Variants in DAB1 observed in about 807,000 individuals in gnomAD.
The protein encoded by DAB1 is DAB adaptor protein 1.
Under a neutral mutation model 64.6 loss-of-function variants are expected in DAB1, and 15 were observed. The observed-to-expected ratio is 0.23, with a 90% CI of 0.16 to 0.36. The LOEUF (loss-of-function observed/expected upper bound fraction) is 0.36. Among genes scored for constraint, DAB1 ranks in the 10% least tolerant of loss-of-function variants. The probability of loss-of-function intolerance (pLI) is 1.00; values close to 1 mark genes in which losing one functional copy is unlikely to be tolerated. For missense variants in DAB1, 596 were observed against 706.7 expected, an observed-to-expected ratio of 0.84 and a Z score of 1.78; for synonymous variants, 235 against 251.9, an observed-to-expected ratio of 0.93 and a Z score of 0.64.
At chr1:57,144,382 TA>T (rs1424642567) in intron 3 of DAB1, among the ~76,000 whole-genome samples, 1 of 152,172 alleles carries the variant, frequency 6.6e-6, no homozygotes, top group Non-Finnish European at 1.5e-5. Context: ...TAAAATAATT[TA>T]TTTTGTATAT....
At chr1:58,123,981 G>T (rs907339786) in intron 5 of DAB1, among the ~76,000 whole-genome samples, 2 of 152,062 alleles carry the variant, frequency 1.3e-5, no homozygotes, top group African/African-American at 2.4e-5. Flanking sequence ...TTGTAGAAAT[G>T]ATATAGACTA....
chr1:57,892,540 G>T (rs146393949), intron 5 of DAB1, among the ~76,000 whole-genome samples: 3 of 152,296 alleles, frequency 2.0e-5, no homozygotes, highest in African/African-American at 4.8e-5. Flanking sequence ...ACTTATCCAG[G>T]TTCACTCAGC....
intron 2 of DAB1, among the ~76,000 whole-genome samples, chr1:57,148,444 G>A (rs1659355379): frequency 6.6e-6 from 1 of 152,222 alleles, no homozygotes; most frequent in African/African-American, 2.4e-5. Flanking sequence ...TACATCTTGA[G>A]CAAGGTCTCA....
intron 1 of DAB1, among the ~76,000 whole-genome samples, chr1:57,304,862 T>C (rs1481801066): frequency 1.3e-5 from 2 of 152,370 alleles, no homozygotes; most frequent in African/African-American, 4.8e-5. Flanking sequence ...ATGAGAAATC[T>C]GATATGTTCA....
At chr1:57,045,415 C>T (rs759766505) in intron 9 of DAB1, among the ~76,000 whole-genome samples, 3 of 152,042 alleles carry the variant, frequency 2.0e-5, no homozygotes, top group Admixed American at 6.6e-5. Flanking sequence ...AGTAGGGTGG[C>T]GGCTGGGTGT....
intron 7 of DAB1, among the ~76,000 whole-genome samples, chr1:57,482,454 C>T (rs1025790412): frequency 3.5e-5 from 5 of 142,398 alleles, no homozygotes; most frequent in Admixed American, 2.8e-4. Flanking sequence ...AATAATTGAC[C>T]CCAGTTTTAC....
At chr1:58,467,311 T>C (rs1645306839) in intron 3 of DAB1, among the ~76,000 whole-genome samples, 1 of 152,246 alleles carries the variant, frequency 6.6e-6, no homozygotes, top group Non-Finnish European at 1.5e-5. Context: ...ATTGCCCATA[T>C]GTAGCAGCGC....
intron 6 of DAB1, among the ~76,000 whole-genome samples, chr1:57,698,545 A>T (rs1270468819): frequency 6.6e-6 from 1 of 152,206 alleles, no homozygotes; most frequent in Non-Finnish European, 1.5e-5. Context: ...CAACAAGAGT[A>T]TGTCGTCTGG....
At chr1:57,343,619 G>A (rs936832094) in intron 1 of DAB1, among the ~76,000 whole-genome samples, 25 of 152,352 alleles carry the variant, frequency 1.6e-4, no homozygotes, top group Non-Finnish European at 2.4e-4. Flanking sequence ...AAGGCCCGGC[G>A]AGAAATTGAG....
At chr1:58,492,223 A>G (rs559136691) in intron 3 of DAB1, among the ~76,000 whole-genome samples, 1 of 152,344 alleles carries the variant, frequency 6.6e-6, no homozygotes, top group East Asian at 1.9e-4. Context: ...CAACGAGAAC[A>G]AAGACACAAC....
intron 7 of DAB1, among the ~76,000 whole-genome samples, chr1:57,544,165 C>G (rs1351574162): frequency 6.6e-6 from 1 of 152,104 alleles, no homozygotes; most frequent in African/African-American, 2.4e-5. Context: ...TGGAAGGATC[C>G]AACCAATGCA....
rs546500747 is a variant in DAB1 at position 58,522,093 on chromosome 1, TA to T, written n.107+5167del. On this transcript the variant is annotated intron_variant and non_coding_transcript_variant, in intron 2 of 20. Coordinates refer to the DAB1 transcript ENST00000485760. ...TTTCCCCAAAAATGCAACTTAACTTTAAAAAAAATTAATGTAATTTGCCCAA... is the reference window on the plus strand; with the variant it reads ...TTTCCCCAAAAATGCAACTTAACTTTAAAAAAATTAATGTAATTTGCCCAA... 1.3e-3 allele frequency among the ~76,000 whole-genome samples: 191 copies of T among 152,096 alleles called. 1 individual carries two copies. In the Middle Eastern group the frequency reaches 0.041, roughly 33 times the overall value.
chr1:58,003,672 C>T (rs1042682398), intron 5 of DAB1, among the ~76,000 whole-genome samples: 1 of 152,134 alleles, frequency 6.6e-6, no homozygotes, highest in Non-Finnish European at 1.5e-5. Flanking sequence ...ATTGAAAGTC[C>T]ACTGGGTCAT....
At chr1:57,347,946 CT>C (rs1678253169) in intron 1 of DAB1, among the ~76,000 whole-genome samples, 1 of 152,078 alleles carries the variant, frequency 6.6e-6, no homozygotes, top group African/African-American at 2.4e-5. Context: ...CCCTCTAAAA[CT>C]GTAAGAAAAT....
intron 2 of DAB1, among the ~76,000 whole-genome samples, chr1:57,220,550 G>A (rs1390640906): frequency 6.6e-6 from 1 of 152,178 alleles, no homozygotes; most frequent in Non-Finnish European, 1.5e-5. Flanking sequence ...CAGAGCCTTA[G>A]AGAAGTTATA....
At chr1:58,239,255 C>A (rs1419225199) in intron 4 of DAB1, among the ~76,000 whole-genome samples, 1 of 152,190 alleles carries the variant, frequency 6.6e-6, no homozygotes, top group Admixed American at 6.5e-5. Context: ...CTATCCAGCC[C>A]AGACTGACTT....
chr1:57,275,678 C>T (rs190037041), intron 2 of DAB1, among the ~76,000 whole-genome samples: 36 of 152,276 alleles, frequency 2.4e-4, no homozygotes, highest in African/African-American at 7.5e-4. Context: ...AAGCACACTC[C>T]GGTTCACAGC....
At chr1:58,087,454 G>T (rs1310544433) in intron 5 of DAB1, among the ~76,000 whole-genome samples, 2 of 152,156 alleles carry the variant, frequency 1.3e-5, no homozygotes, top group Non-Finnish European at 2.9e-5. Flanking sequence ...GCCAAACGTG[G>T]CCCTTTTAAA....
intron 7 of DAB1, among the ~76,000 whole-genome samples, chr1:57,606,558 T>TGAA (rs1558535346): frequency 7.1e-5 from 8 of 112,712 alleles, no homozygotes; most frequent in African/African-American, 2.5e-4. Context: ...TATAATATAT[T>TGAA]ATATATTATA....
Sources: gnomAD v4.1 joint callset for allele counts (sites outside exome capture counted in the v4.1 genomes callset) on GRCh38, gnomAD v4.1.1 for gene constraint, MANE v1.5 for transcripts, NCBI Gene and HGNC (gene_info 2026-07-23, HGNC 2026-07-21) for gene names.